The following GRIA1 variants were observed in gnomAD, a reference collection of about 807,000 sequenced individuals.
The protein encoded by GRIA1 is glutamate ionotropic receptor AMPA type subunit 1.
A neutral mutation model predicts 99.2 loss-of-function variants in GRIA1; 31 were observed. The ratio of observed to expected loss-of-function variants is 0.31; its 90% confidence interval spans 0.23 to 0.42. The LOEUF is 0.42. GRIA1 is among the 10% of genes least tolerant of loss of function. The probability of loss-of-function intolerance (pLI) is 1.00; values close to 1 mark genes in which losing one functional copy is unlikely to be tolerated. For missense variants in GRIA1, 782 were observed against 1,157.5 expected (o/e 0.68, Z 4.71); for synonymous variants, 438 against 432.4 (o/e 1.01, Z -0.16).
chr5:153,527,346 A>C (rs1014169770), intron 2 of GRIA1, among the ~76,000 whole-genome samples: 22 of 152,312 alleles, frequency 1.4e-4, no homozygotes, highest in African/African-American at 5.1e-4. Flanking sequence ...TAGTTACATC[A>C]TATTAGGCAG....
intron 13 of GRIA1, among the ~76,000 whole-genome samples, chr5:153,775,145 C>A (rs2149626482): frequency 6.6e-6 from 1 of 152,312 alleles, no homozygotes; most frequent in South Asian, 2.1e-4. Context: ...ATGTATCTTG[C>A]TAGCCTAAAC....
At chr5:153,781,357 TAA>T (rs5872341) in intron 13 of GRIA1, among the ~76,000 whole-genome samples, 12 of 144,720 alleles carry the variant, frequency 8.3e-5, no homozygotes, top group African/African-American at 1.5e-4. Context: ...TTTAGAGGAA[TAA>T]AAAAAAAAAA....
At chr5:153,620,988 A>T (rs561409399) in intron 2 of GRIA1, among the ~76,000 whole-genome samples, 5 of 152,332 alleles carry the variant, frequency 3.3e-5, no homozygotes, top group African/African-American at 1.2e-4. Context: ...TTATGCTTCC[A>T]TGATTTGTGG....
intron 15 of GRIA1, among the ~76,000 whole-genome samples, chr5:153,803,401 C>A (rs1177241731): frequency 6.6e-6 from 1 of 152,152 alleles, no homozygotes. Flanking sequence ...TGAACAATAC[C>A]ATGATCAAGG....
chr5:153,492,068 G>T, intron 1 of GRIA1: 1 of 1,294,618 alleles, frequency 7.7e-7, no homozygotes, highest in East Asian at 2.6e-5. Flanking sequence ...CGTTGGTTTG[G>T]TTTCTAGTCT....
At chr5:153,626,971 G>T (rs1767690872) in intron 2 of GRIA1, among the ~76,000 whole-genome samples, 1 of 152,146 alleles carries the variant, frequency 6.6e-6, no homozygotes, top group Non-Finnish European at 1.5e-5. Context: ...GCTCTCTAAA[G>T]CACCTTCGGT....
chr5:153,629,612 T>A (rs75158767), intron 2 of GRIA1, among the ~76,000 whole-genome samples: 27,025 of 152,240 alleles, frequency 0.18, 2,819 homozygotes, highest in Non-Finnish European at 0.24. Flanking sequence ...GTACACACAC[T>A]TGGGAACACA....
chr5:153,666,926 G>A (rs1303364235), intron 5 of GRIA1, among the ~76,000 whole-genome samples: 2 of 152,086 alleles, frequency 1.3e-5, no homozygotes, highest in African/African-American at 4.8e-5. Context: ...CAACCCTTCT[G>A]GGACTCAAAT....
chr5:153,770,914 A>G lies in GRIA1; in HGVS notation c.2270+499A>G, dbSNP rs532374822. On this transcript the variant is annotated intron_variant, in intron 13 of 15. Coordinates refer to ENST00000285900, the MANE Select transcript of GRIA1 (RefSeq NM_000827.4). ...TGGAAATCGAAATAGCATCTAATGAATAGCACCAAATTAATTATAGCACCT... is the reference window on the plus strand; with the variant it reads ...TGGAAATCGAAATAGCATCTAATGAGTAGCACCAAATTAATTATAGCACCT... Among the ~76,000 whole-genome samples the G allele has an allele frequency of 2.0e-5, 3 of 152,348 alleles. No homozygotes were observed. The South Asian group carries it at 6.2e-4, about 32-fold the overall frequency.
chr5:153,624,123 G>A (rs1037015624), intron 2 of GRIA1, among the ~76,000 whole-genome samples: 4 of 152,114 alleles, frequency 2.6e-5, no homozygotes, highest in Admixed American at 1.3e-4. Context: ...ACATTTAACC[G>A]TAATAAGCAC....
intron 13 of GRIA1, among the ~76,000 whole-genome samples, chr5:153,788,553 C>G (rs959003261): frequency 2.0e-5 from 3 of 152,218 alleles, no homozygotes; most frequent in Non-Finnish European, 4.4e-5. Context: ...CAACCCTCTT[C>G]TCTCTCTAGT....
At chr5:153,573,384 T>C (rs1012421949) in intron 2 of GRIA1, 1 of 152,194 alleles carries the variant, frequency 6.6e-6, no homozygotes, top group African/African-American at 2.4e-5. Context: ...ACTCACCTAC[T>C]AGAATTGTTG....
At chr5:153,616,128 T>A (rs1490289517) in intron 2 of GRIA1, among the ~76,000 whole-genome samples, 1 of 152,114 alleles carries the variant, frequency 6.6e-6, no homozygotes, top group South Asian at 2.1e-4. Context: ...AGGTCCCAGA[T>A]TCAGTATCAC....
intron 11 of GRIA1, among the ~76,000 whole-genome samples, chr5:153,709,450 G>C (rs1759154062): frequency 6.6e-6 from 1 of 152,062 alleles, no homozygotes; most frequent in Non-Finnish European, 1.5e-5. Flanking sequence ...TTAATGTCTA[G>C]TAACCAAAAC....
chr5:153,770,477 C>T, intron 13 of GRIA1, 62 bp downstream of exon 13: 3 of 1,497,666 alleles, frequency 2.0e-6, no homozygotes, highest in Admixed American at 1.7e-5. Context: ...AGGAATGAAG[C>T]TTCTGTGTCT....
chr5:153,653,993 G>A (rs1321088042), intron 4 of GRIA1, among the ~76,000 whole-genome samples: 1 of 152,128 alleles, frequency 6.6e-6, no homozygotes, highest in Non-Finnish European at 1.5e-5. Flanking sequence ...TCAGTGAGGT[G>A]ATGGACCCCT....
chr5:153,685,254 C>T (rs1469570730), intron 7 of GRIA1, among the ~76,000 whole-genome samples: 1 of 152,174 alleles, frequency 6.6e-6, no homozygotes. Flanking sequence ...GCTGATGATA[C>T]ACAGCTAGAC....
At chr5:153,795,619 C>A in intron 14 of GRIA1, 1 of 1,287,848 alleles carries the variant, frequency 7.8e-7, no homozygotes, top group Non-Finnish European at 1.1e-6. Flanking sequence ...AGGTCACGCA[C>A]ACCTGTAACA....
chr5:153,607,305 TG>T (rs1765546571), intron 2 of GRIA1, among the ~76,000 whole-genome samples: 1 of 151,874 alleles, frequency 6.6e-6, no homozygotes, highest in Non-Finnish European at 1.5e-5. Flanking sequence ...GTTTTGACTT[TG>T]TTTATCTTGT....
Sources: gnomAD v4.1 joint callset for allele counts (sites outside exome capture counted in the v4.1 genomes callset) on GRCh38, gnomAD v4.1.1 for gene constraint, MANE v1.5 for transcripts, NCBI Gene and HGNC (gene_info 2026-07-23, HGNC 2026-07-21) for gene names.